TNRC6A: variants seen among roughly 807,000 people sequenced by gnomAD.
TNRC6A encodes trinucleotide repeat-containing gene 6A protein.
TNRC6A carries 44 observed loss-of-function variants against 221.2 expected under a neutral mutation model. That is an observed-to-expected ratio of 0.20 (90% CI 0.16 to 0.26). The LOEUF is 0.26. TNRC6A is among the 10% of genes least tolerant of loss of function. TNRC6A has a pLI of 1.00. For synonymous variants in TNRC6A, 847 were observed against 838.5 expected, an observed-to-expected ratio of 1.01 and a Z score of -0.18; for missense variants, 2,199 against 2,404.4, an observed-to-expected ratio of 0.91 and a Z score of 1.79.
chr16:24,804,690 T>C lies in TNRC6A; in HGVS notation c.3838-15T>C. 1.9e-6 allele frequency: 3 copies of C among 1,565,280 alleles called. No homozygotes were observed. Among genetic ancestry groups the C allele is most frequent in the Non-Finnish European group, 2.6e-6 (3 of 1,163,314 alleles). ...GCTTGGCTGGTGTTGCACATCTTTC[T>C]GTCTGTCCAATCAGGATGGCATTGT... On this transcript the variant is annotated splice_polypyrimidine_tract_variant and intron_variant, in intron 12 of 24. Transcript: ENST00000395799.
chr16:24,718,898 A>G (rs920243391), intron 2 of TNRC6A, among the ~76,000 whole-genome samples: 1 of 151,822 alleles, frequency 6.6e-6, no homozygotes, highest in African/African-American at 2.4e-5. Context: ...TTAGCCGGGC[A>G]TGGTGGTGGG....
At chr16:24,641,218 G>A (rs558822121) in intron 2 of TNRC6A, among the ~76,000 whole-genome samples, 12 of 152,256 alleles carry the variant, frequency 7.9e-5, no homozygotes, top group Middle Eastern at 3.4e-3. Context: ...ATCACCCCAC[G>A]TCACCTTCTG....
chr16:24,795,818 G>A, intron 8 of TNRC6A, 89 bp from the exon 9 acceptor site: 1 of 1,311,268 alleles, frequency 7.6e-7, no homozygotes, highest in Admixed American at 2.4e-5. Context: ...AAGCGACAGA[G>A]TAAGGACTTA....
At chr16:24,713,552 G>A (rs2142331184) in intron 2 of TNRC6A, among the ~76,000 whole-genome samples, 1 of 152,158 alleles carries the variant, frequency 6.6e-6, no homozygotes, top group East Asian at 1.9e-4. Context: ...GAAGTCTGCT[G>A]TCATCCTTAC....
At chr16:24,625,618 C>G (rs1256266525) in intron 1 of TNRC6A, among the ~76,000 whole-genome samples, 2 of 151,110 alleles carry the variant, frequency 1.3e-5, no homozygotes, top group African/African-American at 4.9e-5. Context: ...CCCAGCTACT[C>G]GGGAGGCTGA....
chr16:24,709,603 C>A (rs531669144), intron 2 of TNRC6A, among the ~76,000 whole-genome samples: 1 of 152,042 alleles, frequency 6.6e-6, no homozygotes, highest in East Asian at 1.9e-4. Context: ...GTAGGTGGAT[C>A]GCTTAGAGGC....
chr16:24,809,363 C>A lies in TNRC6A; in HGVS notation c.4554C>A (p.Asn1518Lys). The A allele has an allele frequency of 6.5e-7, 1 of 1,533,138 alleles. No homozygotes were observed. Among genetic ancestry groups the A allele is most frequent in the South Asian group, 1.3e-5 (1 of 75,518 alleles). 95.0% of individuals were successfully genotyped at this position (1,533,138 alleles called of 1,614,324 possible). Residue 1518 changes from asparagine to lysine, a missense_variant, in exon 18 of 25, where the codon AAC (asparagine) becomes AAA (lysine). Asn to Lys is a moderately conservative substitution (Grantham distance 94). Coordinates refer to ENST00000395799, the MANE Select transcript of TNRC6A (RefSeq NM_014494.4). ...FSNFPIGLNS[N>K]LNVNMDMNSI... ...TTAATTTTTCAGGCTTGAACTCAAA[C>A]TTGAATGTAAATATGGATATGAACA... is the stretch of plus-strand genomic sequence containing the variant.
intron 5 of TNRC6A, among the ~76,000 whole-genome samples, chr16:24,783,435 G>A (rs1389486523): frequency 6.6e-6 from 1 of 151,832 alleles, no homozygotes; most frequent in Non-Finnish European, 1.5e-5. Context: ...AGCTGATGCT[G>A]TTTTTTTATG....
intron 2 of TNRC6A, among the ~76,000 whole-genome samples, chr16:24,746,279 A>T (rs1421049483): frequency 6.6e-6 from 1 of 152,178 alleles, no homozygotes; most frequent in Non-Finnish European, 1.5e-5. Flanking sequence ...CATGTTTCCT[A>T]GCTGAGTGCA....
intron 2 of TNRC6A, among the ~76,000 whole-genome samples, chr16:24,699,385 G>A (rs1295268346): frequency 6.6e-6 from 1 of 152,110 alleles, no homozygotes; most frequent in Non-Finnish European, 1.5e-5. Flanking sequence ...AGACCAAAAG[G>A]ATGACTAGGA....
chr16:24,816,183 G>C (rs575794252), intron 19 of TNRC6A: 1 of 152,006 alleles, frequency 6.6e-6, no homozygotes, highest in African/African-American at 2.4e-5. Flanking sequence ...AAAGAAATTA[G>C]CCGGGTATGG....
intron 2 of TNRC6A, among the ~76,000 whole-genome samples, chr16:24,711,124 C>A (rs1326823266): frequency 6.6e-6 from 1 of 152,026 alleles, no homozygotes; most frequent in Non-Finnish European, 1.5e-5. Context: ...ATCCACCTGC[C>A]TCGGCCTCCC....
intron 6 of TNRC6A, 80 bp from the exon 7 acceptor site, chr16:24,793,393 A>T (rs58976531): frequency 8.9e-7 from 1 of 1,125,516 alleles, no homozygotes; most frequent in East Asian, 2.9e-5. Flanking sequence ...CTTGGTCCCT[A>T]AGTTTTCTTT....
chr16:24,730,656 C>CA (rs2056612639), intron 2 of TNRC6A, among the ~76,000 whole-genome samples: 1 of 150,256 alleles, frequency 6.7e-6, no homozygotes, highest in East Asian at 2.0e-4. Context: ...GGCGGGCTGT[C>CA]AAACTGTTTT....
At chr16:24,753,909 A>G (rs549707412) in intron 3 of TNRC6A, among the ~76,000 whole-genome samples, 22 of 152,358 alleles carry the variant, frequency 1.4e-4, no homozygotes, top group African/African-American at 4.6e-4. Context: ...TATCATGGTG[A>G]CAGAACCAGG....
intron 4 of TNRC6A, among the ~76,000 whole-genome samples, chr16:24,775,943 G>A (rs1242489886): frequency 1.3e-5 from 2 of 152,146 alleles, no homozygotes; most frequent in Admixed American, 6.5e-5. Flanking sequence ...TTAACGAATA[G>A]CCACTGTTTA....
At chr16:24,624,054 G>C (rs1438046564) in intron 1 of TNRC6A, among the ~76,000 whole-genome samples, 2 of 152,038 alleles carry the variant, frequency 1.3e-5, no homozygotes, top group Non-Finnish European at 2.9e-5. Context: ...GGTCACATAC[G>C]CGGCTCTGCT....
intron 2 of TNRC6A, among the ~76,000 whole-genome samples, chr16:24,702,735 C>T (rs1340202110): frequency 2.0e-5 from 3 of 151,894 alleles, no homozygotes; most frequent in African/African-American, 7.3e-5. Flanking sequence ...GATGCTAACT[C>T]TAAAAAAATA....
chr16:24,675,281 C>A (rs1240783130), intron 2 of TNRC6A, among the ~76,000 whole-genome samples: 1 of 152,116 alleles, frequency 6.6e-6, no homozygotes, highest in African/African-American at 2.4e-5. Flanking sequence ...AAGAGAAGTA[C>A]AAAAAGATAT....
Sources: gnomAD v4.1 joint callset for allele counts (sites outside exome capture counted in the v4.1 genomes callset) on GRCh38, gnomAD v4.1.1 for gene constraint, MANE v1.5 for transcripts, NCBI Gene and HGNC (gene_info 2026-07-23, HGNC 2026-07-21) for gene names.